The following XKR6 variants were observed in gnomAD, a reference collection of about 807,000 sequenced individuals.
XKR6 encodes the protein XK related 6, also known as XK-related protein 6.
In XKR6, 22 loss-of-function variants were observed where a neutral mutation model predicts 56.7. The ratio of observed to expected loss-of-function variants is 0.39; its 90% CI spans 0.28 to 0.55. XKR6 has a LOEUF of 0.55. XKR6 is among the 20% of genes least tolerant of loss of function. The pLI is 0.66. For synonymous variants in XKR6, 524 were observed against 387.8 expected, an observed-to-expected ratio of 1.35 and a Z score of -4.13; for missense variants, 852 against 889.0, an observed-to-expected ratio of 0.96 and a Z score of 0.53.
intron 1 of XKR6, chr8:11,109,006 G>A (rs1276176176): frequency 6.6e-6 from 1 of 152,178 alleles, no homozygotes; most frequent in South Asian, 2.1e-4. Flanking sequence ...AACTCATAAC[G>A]ATGTATTCGT....
chr8:11,186,701 C>G (rs1563204016), intron 1 of XKR6, among the ~76,000 whole-genome samples: 1 of 152,100 alleles, frequency 6.6e-6, no homozygotes, highest in Non-Finnish European at 1.5e-5. Flanking sequence ...TTTTAAGAAA[C>G]AGTTATACTT....
rs546263339 is a variant in XKR6 at position 10,961,854 on chromosome 8, C to T, written c.765-37024G>A. On this transcript the variant is annotated intron_variant, in intron 1 of 2. Coordinates refer to ENST00000416569, the MANE Select transcript of XKR6 (RefSeq NM_173683.4). ...GAACGTTGCCAGGAGGAAGGGAGCCCGGTGAGAGTGGCTGGTCCTTCCACC... is the reference window on the plus strand; with the variant it reads ...GAACGTTGCCAGGAGGAAGGGAGCCTGGTGAGAGTGGCTGGTCCTTCCACC... 1.3e-3 allele frequency among the ~76,000 whole-genome samples: 196 copies of T among 152,316 alleles called. 1 individual carries two copies. The highest frequency in any genetic ancestry group is 4.6e-3 in the African/African-American group (191 of 41,570).
chr8:11,195,327 A>AT (rs1029063919), intron 1 of XKR6: 397 of 581,162 alleles, frequency 6.8e-4, no homozygotes, highest in South Asian at 1.3e-3. Flanking sequence ...GTAGAGATTC[A>AT]TTTTTTTTTC....
intron 2 of XKR6, among the ~76,000 whole-genome samples, chr8:10,904,591 G>A (rs1800132646): frequency 6.6e-6 from 1 of 152,146 alleles, no homozygotes; most frequent in Admixed American, 6.5e-5. Flanking sequence ...GGTGAGGCAG[G>A]AGAGCAAGGA....
rs60243391 is a variant in XKR6 at position 11,137,816 on chromosome 8, GC to G, written c.764+62759del. The stretch of plus-strand genomic sequence containing the variant: ...AACCTCAGGCTTTCTGAACTGCACC[GC>G]AACTCTAGAATCTTCAATTAAGGCA... On this transcript the variant is annotated intron_variant, in intron 1 of 2. Transcript: ENST00000416569. 399 of 392,082 alleles carry G rather than the reference GC, an allele frequency of 1.0e-3. 1 individual carries two copies. Among genetic ancestry groups the G allele is most frequent in the African/African-American group, 7.5e-3 (354 of 47,394 alleles). 24.3% of individuals were successfully genotyped at this position (392,082 alleles called of 1,614,324 possible). A position where few individuals can be genotyped will look rare whatever the true frequency, so the allele number is the denominator to read the frequency against.
chr8:11,117,430 C>A (rs1177768203), intron 1 of XKR6, among the ~76,000 whole-genome samples: 1 of 152,164 alleles, frequency 6.6e-6, no homozygotes, highest in Admixed American at 6.6e-5. Context: ...CAGAAAATCC[C>A]AAACTGAAGG....
chr8:11,108,485 G>C (rs961136537), intron 1 of XKR6: 11 of 390,336 alleles, frequency 2.8e-5, no homozygotes, highest in African/African-American at 8.4e-5. Context: ...CAGGACATTA[G>C]TACTCAACTT....
At chr8:11,103,568 T>A (rs1035159418) in intron 1 of XKR6, among the ~76,000 whole-genome samples, 1 of 152,122 alleles carries the variant, frequency 6.6e-6, no homozygotes, top group Admixed American at 6.5e-5. Context: ...GTGATGTGGG[T>A]TTCTAAGGTC....
chr8:11,053,057 C>T (rs1022460852), intron 1 of XKR6, among the ~76,000 whole-genome samples: 2 of 152,172 alleles, frequency 1.3e-5, no homozygotes, highest in African/African-American at 2.4e-5. Flanking sequence ...GCTGACCCCC[C>T]CACGCGCCAC....
intron 1 of XKR6, among the ~76,000 whole-genome samples, chr8:11,153,430 T>C (rs1801356751): frequency 6.6e-6 from 1 of 152,230 alleles, no homozygotes; most frequent in South Asian, 2.1e-4. Context: ...CTACTGCTTT[T>C]TGGAAATAAT....
At chr8:10,908,389 A>ATATG (rs1465407698) in intron 2 of XKR6, among the ~76,000 whole-genome samples, 4 of 151,420 alleles carry the variant, frequency 2.6e-5, no homozygotes, top group African/African-American at 9.7e-5. Context: ...ATATATATAT[A>ATATG]TATATGGAGT....
intron 1 of XKR6, among the ~76,000 whole-genome samples, chr8:10,965,791 G>A (rs910385493): frequency 6.6e-6 from 1 of 152,226 alleles, no homozygotes; most frequent in South Asian, 2.1e-4. Flanking sequence ...TTGAACAGAT[G>A]TTCTTGCTTC....
chr8:11,108,692 G>C (rs1798773752), intron 1 of XKR6: 1 of 211,922 alleles, frequency 4.7e-6, no homozygotes, highest in African/African-American at 2.4e-5. Flanking sequence ...CGACCTTCAA[G>C]ATCTGATGCT....
intron 2 of XKR6, among the ~76,000 whole-genome samples, chr8:10,918,309 G>A (rs912143448): frequency 6.6e-6 from 1 of 152,234 alleles, no homozygotes; most frequent in African/African-American, 2.4e-5. Context: ...GCTCACCTAA[G>A]AGGCTCTGGA....
chr8:11,000,284 G>A (rs1036459404), intron 1 of XKR6, among the ~76,000 whole-genome samples: 1 of 152,306 alleles, frequency 6.6e-6, no homozygotes, highest in South Asian at 2.1e-4. Flanking sequence ...GTGTCCTCTA[G>A]TGAGGAAACA....
At chr8:11,019,881 G>C (rs1798711047) in intron 1 of XKR6, among the ~76,000 whole-genome samples, 1 of 152,232 alleles carries the variant, frequency 6.6e-6, no homozygotes, top group South Asian at 2.1e-4. Flanking sequence ...AATCCGATCA[G>C]AGGTTGTGGT....
At chr8:11,048,135 G>C (rs1396168923) in intron 1 of XKR6, among the ~76,000 whole-genome samples, 3 of 152,168 alleles carry the variant, frequency 2.0e-5, no homozygotes, top group Non-Finnish European at 4.4e-5. Flanking sequence ...GCAGCAGCCA[G>C]AAAGCCACCT....
At position 10,969,054 on chromosome 8, in the gene XKR6, C is replaced by G. The variant is rs796523164; in HGVS notation, c.765-44224G>C. Among the ~76,000 whole-genome samples the G allele has an allele frequency of 6.6e-5, 10 of 152,280 alleles. 1 individual carries two copies. The highest frequency in any genetic ancestry group is 2.4e-4 in the African/African-American group (10 of 41,548). On this transcript the variant is annotated intron_variant, in intron 1 of 2. Coordinates refer to ENST00000416569, the MANE Select transcript of XKR6 (RefSeq NM_173683.4). Reference sequence around the variant, plus strand: ...CCTTAGGAAACTGGAGCAGAGGGTCCTAAACTTGAGTGCGCCAGAATCACA... The same window carrying G: ...CCTTAGGAAACTGGAGCAGAGGGTCGTAAACTTGAGTGCGCCAGAATCACA...
intron 1 of XKR6, among the ~76,000 whole-genome samples, chr8:11,132,089 C>G (rs1432122759): frequency 6.6e-6 from 1 of 152,086 alleles, no homozygotes; most frequent in Admixed American, 6.6e-5. Flanking sequence ...CTCCACTGAC[C>G]CGAGATTCTG....
Sources: allele counts gnomAD v4.1 joint callset (sites outside exome capture counted in the v4.1 genomes callset), GRCh38; gene constraint gnomAD v4.1.1; transcripts MANE v1.5; gene names NCBI Gene and HGNC (gene_info 2026-07-23, HGNC 2026-07-21).